The following HEMK2 variants were observed in gnomAD, a reference collection of about 807,000 sequenced individuals.
HEMK2 encodes methyltransferase HEMK2.
At chr21:28,668,083 T>C in the HEMK2 span, among the ~76,000 whole-genome samples, 2 of 152,214 alleles carry the variant, frequency 1.3e-5, no homozygotes, top group Non-Finnish European at 2.9e-5. Flanking sequence ...AATCTCGTTA[T>C]AAGCCAATTT....
At chr21:28,588,811 G>A in the HEMK2 span, among the ~76,000 whole-genome samples, 260 of 151,952 alleles carry the variant, frequency 1.7e-3, 2 homozygotes, top group Middle Eastern at 6.8e-3. Context: ...CTGAAACCCT[G>A]TCTCTACTAA....
chr21:28,627,074 G>A, the HEMK2 span, among the ~76,000 whole-genome samples: 74 of 152,246 alleles, frequency 4.9e-4, no homozygotes, highest in Admixed American at 1.6e-3. Context: ...AACAAATACT[G>A]AAATGTGCAA....
At chr21:28,669,728 T>A in the HEMK2 span, among the ~76,000 whole-genome samples, 3 of 152,188 alleles carry the variant, frequency 2.0e-5, no homozygotes, top group Non-Finnish European at 4.4e-5. Flanking sequence ...AGCAGTTAGA[T>A]CAATCCATCT....
the HEMK2 span, among the ~76,000 whole-genome samples, chr21:28,714,444 G>C: frequency 7.2e-5 from 11 of 152,112 alleles, no homozygotes; most frequent in Non-Finnish European, 1.6e-4. Flanking sequence ...CTGAAATATG[G>C]TAGGTACAGA....
At chr21:28,681,710 C>T in the HEMK2 span, among the ~76,000 whole-genome samples, 7,017 of 151,764 alleles carry the variant, frequency 0.046, 238 homozygotes, top group Middle Eastern at 0.13. Flanking sequence ...GAGATATAGA[C>T]CAATGGAACA....
the HEMK2 span, among the ~76,000 whole-genome samples, chr21:28,734,775 A>T: frequency 6.6e-6 from 1 of 152,250 alleles, no homozygotes; most frequent in African/African-American, 2.4e-5. Context: ...GTGCACGCTC[A>T]GCATTAAGAC....
chr21:28,735,433 G>C, the HEMK2 span, among the ~76,000 whole-genome samples: 2 of 152,136 alleles, frequency 1.3e-5, no homozygotes, highest in Non-Finnish European at 2.9e-5. Flanking sequence ...CTGTTAGTGA[G>C]AGGCCACTTT....
chr21:28,797,609 T>C, the HEMK2 span, among the ~76,000 whole-genome samples: 1 of 148,994 alleles, frequency 6.7e-6, no homozygotes, highest in African/African-American at 2.4e-5. Context: ...TATGAGACTC[T>C]GTCTCAAAAA....
At chr21:28,593,423 A>G in the HEMK2 span, among the ~76,000 whole-genome samples, 1 of 152,110 alleles carries the variant, frequency 6.6e-6, no homozygotes, top group South Asian at 2.1e-4. Flanking sequence ...GTACACCTAT[A>G]TTTTCTTGCT....
the HEMK2 span, among the ~76,000 whole-genome samples, chr21:28,610,820 T>A: frequency 6.6e-6 from 1 of 152,142 alleles, no homozygotes; most frequent in Admixed American, 6.5e-5. Context: ...TACGTAATGA[T>A]AAACGGACTA....
chr21:28,696,197 C>T, the HEMK2 span, among the ~76,000 whole-genome samples: 2 of 152,176 alleles, frequency 1.3e-5, no homozygotes, highest in Admixed American at 1.3e-4. Context: ...ATTCAATTAT[C>T]TCCCATCAGG....
At chr21:28,596,429 T>C in the HEMK2 span, among the ~76,000 whole-genome samples, 1 of 152,360 alleles carries the variant, frequency 6.6e-6, no homozygotes, top group East Asian at 1.9e-4. Context: ...ACACATACAC[T>C]AAATCCCTAC....
the HEMK2 span, chr21:28,873,877 A>C: frequency 6.6e-6 from 1 of 152,254 alleles, no homozygotes; most frequent in African/African-American, 2.4e-5. Context: ...CCAGCAGTGC[A>C]TAAGTCATGG....
chr21:28,588,766 A>G, the HEMK2 span, among the ~76,000 whole-genome samples: 3,658 of 151,980 alleles, frequency 0.024, 87 homozygotes, highest in East Asian at 0.11. Flanking sequence ...GTCGGATCAC[A>G]AGGTCAGGAG....
the HEMK2 span, among the ~76,000 whole-genome samples, chr21:28,730,976 C>G: frequency 6.6e-6 from 1 of 151,776 alleles, no homozygotes. Context: ...CCCATCCCAG[C>G]AGGAAAAACT....
chr21:28,716,203 G>A, the HEMK2 span, among the ~76,000 whole-genome samples: 2 of 152,156 alleles, frequency 1.3e-5, no homozygotes, highest in Non-Finnish European at 2.9e-5. Flanking sequence ...GAATAGCACT[G>A]AATCTGTACA....
the HEMK2 span, among the ~76,000 whole-genome samples, chr21:28,833,854 C>T: frequency 6.6e-6 from 1 of 152,168 alleles, no homozygotes; most frequent in African/African-American, 2.4e-5. Flanking sequence ...ACGATATCTA[C>T]CTGTGCAGAA....
At chr21:28,817,206 C>T in the HEMK2 span, among the ~76,000 whole-genome samples, 6 of 152,094 alleles carry the variant, frequency 3.9e-5, no homozygotes, top group Non-Finnish European at 7.3e-5. Flanking sequence ...TCACATTGAA[C>T]CTAGAATCCC....
chr21:28,789,233 C>A, the HEMK2 span, among the ~76,000 whole-genome samples: 1 of 152,210 alleles, frequency 6.6e-6, no homozygotes, highest in East Asian at 1.9e-4. Flanking sequence ...TATGTGGCAA[C>A]CTTGGTAATA....
Sources: allele counts gnomAD v4.1 joint callset (sites outside exome capture counted in the v4.1 genomes callset), GRCh38; gene constraint gnomAD v4.1.1; transcripts MANE v1.5; gene names NCBI Gene and HGNC (gene_info 2026-07-23, HGNC 2026-07-21).